The following FOCAD variants were observed in gnomAD, a reference collection of about 807,000 sequenced individuals.
The protein encoded by FOCAD is KIAA1797.
In FOCAD, 198 loss-of-function variants were observed where a neutral mutation model predicts 225.6. The ratio of observed to expected loss-of-function variants is 0.88; its 90% confidence interval spans 0.78 to 0.99. The LOEUF (loss-of-function observed/expected upper bound fraction) is 0.99, where lower values mean the gene tolerates loss of function less well. Among genes scored for constraint, FOCAD ranks in the 50% least tolerant of loss-of-function variants. FOCAD has a pLI of 0.00. For missense variants in FOCAD, 2,713 were observed against 2,123.6 expected, an observed-to-expected ratio of 1.28 and a Z score of -5.46; for synonymous variants, 897 against 755.0, an observed-to-expected ratio of 1.19 and a Z score of -3.08.
At chr9:20,871,034 C>T (rs978947155) in intron 18 of FOCAD, among the ~76,000 whole-genome samples, 3 of 151,974 alleles carry the variant, frequency 2.0e-5, no homozygotes, top group African/African-American at 4.8e-5. Flanking sequence ...GAAACCCCCT[C>T]TCAACTAAAA....
intron 2 of FOCAD, among the ~76,000 whole-genome samples, chr9:20,666,088 A>G (rs1821893115): frequency 6.6e-6 from 1 of 152,030 alleles, no homozygotes; most frequent in African/African-American, 2.4e-5. Context: ...TCTGGTTGTC[A>G]CTAGAGATCT....
Position 20,820,369 on chromosome 9 carries a change from A to T in FOCAD, c.1606A>T (p.Thr536Ser), listed in dbSNP as rs147380497. ...ACGAATAATACAACTACTTGGAACC[A>T]CACCACGACTAAGAGCTGTCACTTT... is the stretch of plus-strand genomic sequence containing the variant. ...ILRIIQLLGT[T>S]PRLRAVTLRL... The change falls in exon 13 of 44, where the codon ACA (threonine) becomes TCA (serine). Residue 536 changes from threonine to serine, a missense_variant. Physicochemically the swap from Thr to Ser is moderately conservative, Grantham distance 58. Coordinates refer to ENST00000338382, the MANE Select transcript of FOCAD (RefSeq NM_001375567.1). 4 of 1,612,752 alleles carry T rather than the reference A, an allele frequency of 2.5e-6. No individual in the cohort carries two copies. In the African/African-American group the frequency reaches 5.3e-5, roughly 22 times the overall value.
At chr9:20,759,592 C>G (rs1383814875) in intron 6 of FOCAD, among the ~76,000 whole-genome samples, 1 of 152,078 alleles carries the variant, frequency 6.6e-6, no homozygotes, top group African/African-American at 2.4e-5. Context: ...CATGTTAGAC[C>G]TAAAACCATA....
intron 26 of FOCAD, 117 bp downstream of exon 26, chr9:20,926,534 A>G (rs1191383173): frequency 1.5e-6 from 1 of 661,134 alleles, no homozygotes; most frequent in Admixed American, 2.2e-5. Context: ...CTGTAATCCC[A>G]GCACTTTGGA....
chr9:20,881,836 T>C, intron 19 of FOCAD, 35 bp from the exon 20 acceptor site: 1 of 1,591,648 alleles, frequency 6.3e-7, no homozygotes, highest in South Asian at 1.1e-5. Context: ...TTATTGTATT[T>C]ACTCTACTTT....
At chr9:20,825,041 T>C (rs1337465920) in intron 15 of FOCAD, among the ~76,000 whole-genome samples, 1 of 152,036 alleles carries the variant, frequency 6.6e-6, no homozygotes, top group African/African-American at 2.4e-5. Context: ...TGTTTGGTAA[T>C]GAATAGCTGT....
chr9:20,716,037 A>G, intron 2 of FOCAD: 1 of 371,866 alleles, frequency 2.7e-6, no homozygotes, highest in Admixed American at 2.1e-5. Flanking sequence ...AGCCATCTTG[A>G]AGACTTAACA....
At chr9:20,840,267 A>C (rs1238773349) in intron 15 of FOCAD, among the ~76,000 whole-genome samples, 1 of 152,158 alleles carries the variant, frequency 6.6e-6, no homozygotes, top group East Asian at 1.9e-4. Context: ...ACATTTTAAC[A>C]ATATTGATTC....
intron 27 of FOCAD, among the ~76,000 whole-genome samples, chr9:20,931,619 A>C (rs1345006270): frequency 6.6e-6 from 1 of 152,242 alleles, no homozygotes; most frequent in Non-Finnish European, 1.5e-5. Flanking sequence ...ATGGGAACAG[A>C]ATTAGGACAA....
At chr9:20,911,901 T>C (rs984524570) in intron 22 of FOCAD, among the ~76,000 whole-genome samples, 5 of 152,090 alleles carry the variant, frequency 3.3e-5, no homozygotes, top group African/African-American at 4.8e-5. Context: ...ATGGACAGAA[T>C]AGAAAAATCC....
chr9:20,879,961 C>T (rs1056497544), intron 19 of FOCAD, among the ~76,000 whole-genome samples: 1 of 152,166 alleles, frequency 6.6e-6, no homozygotes, highest in South Asian at 2.1e-4. Flanking sequence ...GAAGAAATTA[C>T]TTTCTTTCAT....
intron 43 of FOCAD, among the ~76,000 whole-genome samples, chr9:20,995,039 G>T (rs1464615668): frequency 6.6e-6 from 1 of 151,820 alleles, no homozygotes; most frequent in Non-Finnish European, 1.5e-5. Context: ...GATCCCTGAG[G>T]GACCTGTGAC....
At chr9:20,976,607 A>C (rs1840255926) in intron 36 of FOCAD, 59 bp downstream of exon 36, 2 of 1,542,116 alleles carry the variant, frequency 1.3e-6, no homozygotes, top group Non-Finnish European at 1.8e-6. Context: ...ACCTGAATGG[A>C]AAAACAGATT....
intron 21 of FOCAD, among the ~76,000 whole-genome samples, chr9:20,902,694 A>G (rs1010315038): frequency 3.9e-5 from 6 of 151,930 alleles, no homozygotes; most frequent in Non-Finnish European, 8.8e-5. Flanking sequence ...GACTAAACCA[A>G]TAAAGGAAAA....
chr9:20,802,697 A>G (rs544880327), intron 11 of FOCAD, among the ~76,000 whole-genome samples: 2 of 152,280 alleles, frequency 1.3e-5, no homozygotes, highest in East Asian at 1.9e-4. Context: ...GGTTTAGGTT[A>G]GGTTAGATTG....
chr9:20,710,581 A>C (rs1482834454), intron 1 of FOCAD, among the ~76,000 whole-genome samples: 4 of 151,444 alleles, frequency 2.6e-5, no homozygotes, highest in Non-Finnish European at 5.9e-5. Flanking sequence ...GGGCAACAAA[A>C]GCGTAACTCT....
chr9:20,754,337 A>G (rs547479758), intron 5 of FOCAD, among the ~76,000 whole-genome samples: 18 of 152,196 alleles, frequency 1.2e-4, no homozygotes, highest in South Asian at 2.1e-4. Context: ...CCAAATTAGC[A>G]TGAATATTCT....
intron 2 of FOCAD, 150 bp downstream of exon 2, chr9:20,715,560 G>C: frequency 2.9e-6 from 1 of 343,472 alleles, no homozygotes. Context: ...CATTTAATTT[G>C]AAAATATATA....
At chr9:20,989,564 G>T (rs530349749) in intron 41 of FOCAD, among the ~76,000 whole-genome samples, 39 of 152,222 alleles carry the variant, frequency 2.6e-4, no homozygotes, top group African/African-American at 8.9e-4. Context: ...CATGTCTATA[G>T]TCCCAGCCAC....
Sources: allele counts gnomAD v4.1 joint callset (sites outside exome capture counted in the v4.1 genomes callset), GRCh38; gene constraint gnomAD v4.1.1; transcripts MANE v1.5; gene names NCBI Gene and HGNC (gene_info 2026-07-23, HGNC 2026-07-21).